The following PTPN13 variants were observed in gnomAD, a reference collection of about 807,000 sequenced individuals.
The protein encoded by PTPN13 is tyrosine-protein phosphatase non-receptor type 13.
PTPN13 carries 191 observed loss-of-function variants against 284.0 expected under a neutral mutation model. The observed-to-expected ratio is 0.67, with a 90% CI of 0.60 to 0.76. PTPN13 has a LOEUF of 0.76. PTPN13 is among the 30% of genes least tolerant of loss of function. The probability of loss-of-function intolerance (pLI) is 0.00; values close to 1 mark genes in which losing one functional copy is unlikely to be tolerated. For synonymous variants in PTPN13, 986 were observed against 1,022.3 expected, an observed-to-expected ratio of 0.96 and a Z score of 0.68; for missense variants, 2,797 against 2,939.9, an observed-to-expected ratio of 0.95 and a Z score of 1.12.
chr4:86,719,851 T>G (rs1252440777), intron 9 of PTPN13, among the ~76,000 whole-genome samples: 1 of 152,218 alleles, frequency 6.6e-6, no homozygotes, highest in African/African-American at 2.4e-5. Context: ...AAGTTCCCTG[T>G]AGATGCTGGG....
At chr4:86,721,781 C>G (rs1192556933) in intron 9 of PTPN13, among the ~76,000 whole-genome samples, 2 of 142,600 alleles carry the variant, frequency 1.4e-5, no homozygotes, top group African/African-American at 5.1e-5. Flanking sequence ...TTCTGTCACC[C>G]AGGATGGAGT....
chr4:86,772,794 C>T lies in PTPN13; in HGVS notation c.5185C>T (p.Pro1729Ser), dbSNP rs1310722748. 2 of 1,604,926 alleles carry T rather than the reference C, an allele frequency of 1.2e-6. No homozygotes were observed. The highest frequency in any genetic ancestry group is 2.7e-5 in the African/African-American group (2 of 74,402). ...TCTCTGTAGTAATCCTTCCCCTCTA[C>T]CACCGGATATGGCTCCTGGGCAGAG... Reference protein sequence around the residue: ...EFEDSNPSPLPPDMAPGQSYQ... With the variant: ...EFEDSNPSPLSPDMAPGQSYQ... Residue 1729 changes from proline to serine, a missense_variant, in exon 32 of 48, where the codon CCA becomes TCA. Physicochemically the swap from Pro to Ser is moderately conservative, Grantham distance 74. Coordinates refer to ENST00000411767, the MANE Select transcript of PTPN13 (RefSeq NM_080683.3).
rs577122961 is a variant in PTPN13, at chr4:86,772,798, C to G, written c.5189C>G (p.Pro1730Arg). The change falls in exon 32 of 48, where the codon CCG becomes CGG. Residue 1730 changes from proline (P) to arginine (R), a missense_variant. Pro to Arg is a moderately radical substitution (Grantham distance 103, BLOSUM62 -2). Coordinates refer to ENST00000411767, the MANE Select transcript of PTPN13 (RefSeq NM_080683.3). ...TGTAGTAATCCTTCCCCTCTACCAC[C>G]GGATATGGCTCCTGGGCAGAGTTAT... ...FEDSNPSPLP[P>R]DMAPGQSYQP... is the part of the protein sequence containing the mutation. 3 of 1,606,372 alleles carry G rather than the reference C, an allele frequency of 1.9e-6. No homozygotes were observed. Among genetic ancestry groups the G allele is most frequent in the Non-Finnish European group, 1.7e-6 (2 of 1,177,330 alleles).
In PTPN13 at chr4:86,765,502, A is replaced by G. The variant is rs761645471; in HGVS notation, c.4243+14A>G. On this transcript the variant is annotated intron_variant, in intron 26 of 47. Coordinates refer to ENST00000411767, the MANE Select transcript of PTPN13 (RefSeq NM_080683.3). ...GAATTCACAAAGGTATAGTGTTTAT[A>G]TTATGTGGGAATTATATGTATGAAT... is the stretch of plus-strand genomic sequence containing the variant. The G allele has an allele frequency of 5.9e-6, 9 of 1,522,270 alleles. No individual in the cohort carries two copies. The Admixed American group carries it at 1.5e-4, about 26-fold the overall frequency. The allele number at this position is 1,522,270 out of a possible 1,614,324, so 94.3% of individuals were successfully genotyped here.
chr4:86,750,736 CTCAG>C lies in PTPN13; in HGVS notation c.2922_2925del (p.Ser974ArgfsTer44). On this transcript the variant is annotated frameshift_variant, in exon 18 of 48. Coordinates refer to ENST00000411767, the MANE Select transcript of PTPN13 (RefSeq NM_080683.3). LOFTEE classifies it high-confidence loss of function. ...AGAGATGAGTAAATCATACCATGAT[CTCAG>C]TCAGGCCTCTCTCTATCCACATCGG... 6.2e-7 allele frequency: 1 copy of C among 1,613,672 alleles called. No homozygotes were observed. The highest frequency in any genetic ancestry group is 1.1e-5 in the South Asian group (1 of 91,020).
At chr4:86,764,799 T>C (rs1739103921) in intron 25 of PTPN13, 75 bp downstream of exon 25, 5 of 1,474,424 alleles carry the variant, frequency 3.4e-6, no homozygotes, top group South Asian at 2.8e-5. Context: ...AACTTTTTAA[T>C]TGAATTATTT....
chr4:86,653,658 C>T (rs1725369568), intron 2 of PTPN13, among the ~76,000 whole-genome samples: 1 of 152,038 alleles, frequency 6.6e-6, no homozygotes, highest in African/African-American at 2.4e-5. Flanking sequence ...ATACTCCAAA[C>T]ATAAATTCAA....
chr4:86,673,278 G>A (rs1022020448), intron 3 of PTPN13, among the ~76,000 whole-genome samples: 1 of 152,154 alleles, frequency 6.6e-6, no homozygotes, highest in South Asian at 2.1e-4. Context: ...TGTACAAGAT[G>A]AGCAATTAAT....
chr4:86,745,456 T>G (rs1578557414), intron 17 of PTPN13, among the ~76,000 whole-genome samples: 1 of 152,166 alleles, frequency 6.6e-6, no homozygotes, highest in East Asian at 1.9e-4. Context: ...AAGACCAACA[T>G]GCTTGAAACA....
chr4:86,682,401 A>G (rs1265692430), intron 3 of PTPN13, among the ~76,000 whole-genome samples: 1 of 152,222 alleles, frequency 6.6e-6, no homozygotes, highest in African/African-American at 2.4e-5. Flanking sequence ...TAAATAAGCA[A>G]TACAAGTGAG....
intron 9 of PTPN13, among the ~76,000 whole-genome samples, chr4:86,719,288 G>C (rs1438363848): frequency 6.6e-6 from 1 of 152,134 alleles, no homozygotes; most frequent in Non-Finnish European, 1.5e-5. Context: ...CTCTATCCAT[G>C]TTCCCACAAA....
intron 35 of PTPN13, among the ~76,000 whole-genome samples, 167 bp downstream of exon 35, chr4:86,775,819 A>C (rs1316214523): frequency 6.6e-6 from 1 of 152,250 alleles, no homozygotes; most frequent in African/African-American, 2.4e-5. Context: ...TTTTGAGAAC[A>C]CTAAGTGAAT....
In PTPN13 at chr4:86,807,914, T is replaced by C; in HGVS notation, c.7083+17T>C. On this transcript the variant is annotated intron_variant, in intron 45 of 47. Transcript: ENST00000411767. ...GATATTCAGGTAAGTGAATGAAATC[T>C]TTCCCTGTTGGAAGGTGTATCTCCT... 1.3e-6 allele frequency: 2 copies of C among 1,588,690 alleles called. No homozygotes were observed. The highest frequency in any genetic ancestry group is 1.3e-5 in the African/African-American group (1 of 74,510).
In PTPN13 at chr4:86,758,965, A is replaced by T. The variant is rs1188249099; in HGVS notation, c.3445A>T (p.Ser1149Cys). The T allele has an allele frequency of 6.2e-7, 1 of 1,613,692 alleles. No homozygotes were observed. The highest frequency in any genetic ancestry group is 8.5e-7 in the Non-Finnish European group (1 of 1,179,712). ...AGGAGACCGTTTGATATCTGTGAAT[A>T]GTGTGAGTCTGGAGGGAGTCAGCCA... The part of the protein sequence containing the change: ...KPGDRLISVN[S>C]VSLEGVSHHA... Residue 1149 changes from serine to cysteine, a missense_variant, in exon 23 of 48, where the codon AGT (serine) becomes TGT (cysteine). Transcript: ENST00000411767.
chr4:86,728,059 C>T lies in PTPN13; in HGVS notation c.1609-4341C>T, dbSNP rs377266920. Among the ~76,000 whole-genome samples the T allele has an allele frequency of 2.7e-4, 40 of 149,728 alleles. 1 individual carries two copies. The East Asian group carries it at 7.7e-3, about 29-fold the overall frequency. On this transcript the variant is annotated intron_variant, in intron 10 of 47. Coordinates refer to ENST00000411767, the MANE Select transcript of PTPN13 (RefSeq NM_080683.3). ...CAAAGAACATCTTTATTTCTGCCTT[C>T]ATTTTGTTATATACCCAGTAGTCAT...
chr4:86,631,656 C>T (rs1268303752), intron 1 of PTPN13, among the ~76,000 whole-genome samples: 2 of 151,890 alleles, frequency 1.3e-5, no homozygotes, highest in African/African-American at 2.4e-5. Context: ...CATAAAGATC[C>T]CATATTGAAT....
In PTPN13 at chr4:86,749,996, C is replaced by T. The variant is rs17012042; in HGVS notation, c.2651-474C>T. ...ATCTGCCTTAAGCTTTAAAAACTGT[C>T]TGGGCAAAACCCCTCTGCATAGCTT... On this transcript the variant is annotated intron_variant, in intron 17 of 47. Transcript: ENST00000411767. 9.7e-3 allele frequency among the ~76,000 whole-genome samples: 1,471 copies of T among 152,314 alleles called. 18 individuals are homozygous for T. Among genetic ancestry groups the T allele is most frequent in the African/African-American group, 0.033 (1,388 of 41,572 alleles).
intron 20 of PTPN13, among the ~76,000 whole-genome samples, chr4:86,757,692 G>A (rs1738134207): frequency 1.3e-5 from 2 of 149,652 alleles, no homozygotes; most frequent in African/African-American, 2.5e-5. Flanking sequence ...TTGAGCCCAG[G>A]AGTCAAGGCT....
intron 6 of PTPN13, among the ~76,000 whole-genome samples, chr4:86,695,166 T>G (rs1413863254): frequency 6.6e-6 from 1 of 152,138 alleles, no homozygotes; most frequent in Non-Finnish European, 1.5e-5. Context: ...AAAGACTATC[T>G]GAAAAGATAT....
Sources: gnomAD v4.1 joint callset for allele counts (sites outside exome capture counted in the v4.1 genomes callset) on GRCh38, gnomAD v4.1.1 for gene constraint, MANE v1.5 for transcripts, NCBI Gene and HGNC (gene_info 2026-07-23, HGNC 2026-07-21) for gene names.